Variants in PUF60 observed in about 807,000 individuals in gnomAD.
The protein encoded by PUF60 is poly(U) binding splicing factor 60.
Under a neutral mutation model 61.8 loss-of-function variants are expected in PUF60, and 10 were observed. The ratio of observed to expected loss-of-function variants is 0.16; its 90% CI spans 0.10 to 0.27. The LOEUF (loss-of-function observed/expected upper bound fraction) is 0.27, where lower values mean the gene tolerates loss of function less well. Ranked by LOEUF, PUF60 falls within the 10% of genes least tolerant of loss-of-function variation. The probability of loss-of-function intolerance (pLI) is 1.00; values close to 1 mark genes in which losing one functional copy is unlikely to be tolerated. For missense variants in PUF60, 371 were observed against 754.0 expected, an observed-to-expected ratio of 0.49 and a Z score of 5.95; for synonymous variants, 353 against 300.9, an observed-to-expected ratio of 1.17 and a Z score of -1.79.
Position 143,827,626 on chromosome 8 carries a change from C to T in PUF60, c.24+1654G>A, listed in dbSNP as rs559490031. The T allele has an allele frequency of 5.6e-4, 198 of 353,386 alleles. 2 individuals are homozygous for T. The highest frequency in any genetic ancestry group is 3.2e-3 in the South Asian group (156 of 48,096). The allele number at this position is 353,386 out of a possible 1,614,324, so 21.9% of individuals were successfully genotyped here. On this transcript the variant is annotated intron_variant, in intron 1 of 11. Transcript: ENST00000526683. ...ATAACCCTTCTAGAAGCCTTTCCAT[C>T]CCAATGATTAAAAGAGGAATGGGTT...
intron 2 of PUF60, 60 bp downstream of exon 2, chr8:143,824,253 G>A (rs1043525885): frequency 1.1e-5 from 16 of 1,431,828 alleles, no homozygotes; most frequent in Non-Finnish European, 1.5e-5. Flanking sequence ...CGCACAGGCA[G>A]GCGGGCGGGC....
chr8:143,826,088 C>T (rs561481315), intron 1 of PUF60, among the ~76,000 whole-genome samples: 1 of 152,208 alleles, frequency 6.6e-6, no homozygotes, highest in Non-Finnish European at 1.5e-5. Context: ...TGTTTACAAT[C>T]GCAGCTAGTC....
intron 2 of PUF60, 119 bp downstream of exon 2, chr8:143,824,194 C>G: frequency 9.7e-7 from 1 of 1,034,886 alleles, no homozygotes; most frequent in Non-Finnish European, 1.4e-6. Context: ...GAAGGGTTCC[C>G]GAGGTTCCTC....
At chr8:143,820,617 G>A in intron 5 of PUF60, 49 bp downstream of exon 5, 1 of 1,581,708 alleles carries the variant, frequency 6.3e-7, no homozygotes. Context: ...CCCCCCTCTA[G>A]CCCTGACTAA....
intron 5 of PUF60, among the ~76,000 whole-genome samples, chr8:143,819,361 C>A (rs919222290): frequency 1.3e-5 from 2 of 152,142 alleles, no homozygotes; most frequent in African/African-American, 4.8e-5. Context: ...CGGGTTCTCG[C>A]CCCTGTCACC....
intron 2 of PUF60, among the ~76,000 whole-genome samples, chr8:143,822,164 C>T (rs1040093144): frequency 6.6e-6 from 1 of 152,110 alleles, no homozygotes; most frequent in Non-Finnish European, 1.5e-5. Context: ...GCCACAGTGG[C>T]CTCCTCGGGA....
At position 143,818,814 on chromosome 8, in the gene PUF60, CA is replaced by C. The variant is rs1816687124; in HGVS notation, c.349-281del. 4 of 502,260 alleles carry C rather than the reference CA, an allele frequency of 8.0e-6. No homozygotes were observed. Among genetic ancestry groups the C allele is most frequent in the Non-Finnish European group, 1.4e-5 (4 of 282,840 alleles). The allele number at this position is 502,260 out of a possible 1,614,324, so 31.1% of individuals were successfully genotyped here. ...GCAAAGCCGACAGATGGTCAGGAGG[CA>C]GGGCTGTGCGCCCTCCCACCCAGAC... On this transcript the variant is annotated intron_variant, in intron 5 of 11. Coordinates refer to ENST00000526683, the MANE Select transcript of PUF60 (RefSeq NM_078480.3). This position sits in a 1 kb window ranked among gnomAD's most constrained non-coding sequence, Gnocchi z 7.9.
intron 2 of PUF60, chr8:143,822,451 G>C (rs1208172280): frequency 2.2e-6 from 1 of 456,128 alleles, no homozygotes; most frequent in South Asian, 1.5e-5. Flanking sequence ...TCCCAACAGT[G>C]CTCCCCCCAC....
intron 2 of PUF60, among the ~76,000 whole-genome samples, chr8:143,823,965 C>T (rs987541355): frequency 3.2e-4 from 48 of 152,296 alleles, no homozygotes; most frequent in African/African-American, 1.1e-3. Flanking sequence ...TTCTGGGAAG[C>T]TTGGCCCACC....
chr8:143,825,513 G>A (rs1025350301), intron 1 of PUF60, among the ~76,000 whole-genome samples: 10 of 151,890 alleles, frequency 6.6e-5, no homozygotes, highest in African/African-American at 2.2e-4. Flanking sequence ...TGCACAGCCA[G>A]AGCAGAGGCT....
At chr8:143,822,009 T>C in intron 2 of PUF60, 96 bp from the exon 3 acceptor site, 1 of 900,670 alleles carries the variant, frequency 1.1e-6, no homozygotes, top group South Asian at 1.7e-5. Flanking sequence ...GTCCCCTGCC[T>C]GGCCTGTACT....
At chr8:143,821,287 G>T in intron 4 of PUF60, 1 of 540,586 alleles carries the variant, frequency 1.8e-6, no homozygotes, top group Non-Finnish European at 3.3e-6. Context: ...GTGCACAGCT[G>T]GGGCAGGGAG....
In PUF60 at chr8:143,816,873, ACCCTCTC is replaced by A. The variant is rs751392833; in HGVS notation, c.1380+30_1380+36del. 51 of 1,475,940 alleles carry A rather than the reference ACCCTCTC, an allele frequency of 3.5e-5. 1 individual carries two copies. In the South Asian group the frequency reaches 6.1e-4, roughly 18 times the overall value. 91.4% of individuals were successfully genotyped at this position (1,475,940 alleles called of 1,614,324 possible). On this transcript the variant is annotated intron_variant, in intron 11 of 11. Transcript: ENST00000526683. The stretch of plus-strand genomic sequence containing the variant: ...CTGAGCACTGCGGCCCCGCCCCCCT[ACCCTCTC>A]CCCCGCCACCACCCTGCCCCTCTGC...
chr8:143,820,823 A>C, intron 4 of PUF60, 107 bp from the exon 5 acceptor site: 1 of 1,114,492 alleles, frequency 9.0e-7, no homozygotes, highest in African/African-American at 1.5e-5. Flanking sequence ...CCGCCCTGCC[A>C]GGGAGGCCGC....
chr8:143,828,367 G>A (rs764233436), intron 1 of PUF60, among the ~76,000 whole-genome samples: 5 of 152,226 alleles, frequency 3.3e-5, no homozygotes, highest in Non-Finnish European at 5.9e-5. Flanking sequence ...AGTAATACAG[G>A]GGTAAACTGC....
chr8:143,821,200 G>A, intron 4 of PUF60: 2 of 409,584 alleles, frequency 4.9e-6, no homozygotes, highest in Non-Finnish European at 9.0e-6. Context: ...ACTCACTGCA[G>A]GGGTGAGGGC....
rs979405511 is a variant in PUF60 at position 143,821,584 on chromosome 8, G to A, written c.297+13C>T. 8.4e-6 allele frequency: 13 copies of A among 1,538,930 alleles called. No homozygotes were observed. Among genetic ancestry groups the A allele is most frequent in the African/African-American group, 2.7e-5 (2 of 72,968 alleles). ...TGGTGGGGAGGGCGGTAGAGGCTCC[G>A]GCCGGGGCTCACCTGCAGGTTGGTG... is the stretch of plus-strand genomic sequence containing the variant. On this transcript the variant is annotated intron_variant, in intron 4 of 11. Coordinates refer to ENST00000526683, the MANE Select transcript of PUF60 (RefSeq NM_078480.3).
At chr8:143,828,807 G>A (rs1422240172) in intron 1 of PUF60, among the ~76,000 whole-genome samples, 1 of 152,312 alleles carries the variant, frequency 6.6e-6, no homozygotes, top group Middle Eastern at 3.4e-3. Flanking sequence ...AGCTGCAGGC[G>A]TAGTGAGCCA....
rs73715509 is a variant in PUF60, at chr8:143,828,945, C to A, written c.24+335G>T. ...CCGTCGTGACCACGGCGCACACCCCCGTCGGCAAAGGGAGGACGACGACCC... is the reference window on the plus strand; with the variant it reads ...CCGTCGTGACCACGGCGCACACCCCAGTCGGCAAAGGGAGGACGACGACCC... On this transcript the variant is annotated intron_variant, in intron 1 of 11. Transcript: ENST00000526683. 14 of 987,746 alleles carry A rather than the reference C, an allele frequency of 1.4e-5. No individual in the cohort carries two copies. The African/African-American group carries it at 2.4e-4, about 17-fold the overall frequency. The allele number at this position is 987,746 out of a possible 1,614,324, so 61.2% of individuals were successfully genotyped here.
Sources: allele counts gnomAD v4.1 joint callset (sites outside exome capture counted in the v4.1 genomes callset), GRCh38; gene constraint gnomAD v4.1.1; non-coding constraint Gnocchi (gnomAD v3.1); transcripts MANE v1.5; gene names NCBI Gene and HGNC (gene_info 2026-07-23, HGNC 2026-07-21).